The following RAB38 variants were observed in gnomAD, a reference collection of about 807,000 sequenced individuals.
RAB38 encodes ras-related protein Rab-38.
Under a neutral mutation model 18.4 loss-of-function variants are expected in RAB38, and 15 were observed. The observed-to-expected ratio is 0.82, with a 90% CI of 0.55 to 1.26. The LOEUF is 1.26. Among genes scored for constraint, RAB38 ranks in the 50% most tolerant of loss-of-function variants. The pLI, the probability that RAB38 is intolerant of heterozygous loss-of-function variation, is 0.00. For synonymous variants in RAB38, 101 were observed against 104.4 expected (o/e 0.97, Z 0.20); for missense variants, 294 against 267.4 (o/e 1.10, Z -0.69).
At chr11:88,154,578 C>A (rs555972011) in intron 1 of RAB38, among the ~76,000 whole-genome samples, 1 of 152,300 alleles carries the variant, frequency 6.6e-6, no homozygotes, top group East Asian at 1.9e-4. Flanking sequence ...TTGGAGCACC[C>A]ACTTGCCTGG....
chr11:88,154,578 C>G (rs555972011), intron 1 of RAB38, among the ~76,000 whole-genome samples: 55 of 152,300 alleles, frequency 3.6e-4, no homozygotes, highest in Non-Finnish European at 6.2e-4. Flanking sequence ...TTGGAGCACC[C>G]ACTTGCCTGG....
chr11:88,040,167 A>T, the RAB38 span, among the ~76,000 whole-genome samples: 1 of 152,206 alleles, frequency 6.6e-6, no homozygotes, highest in Admixed American at 6.5e-5. Flanking sequence ...AGTGCAACAG[A>T]CTAGGTGGCT....
At chr11:87,922,449 A>G in the RAB38 span, among the ~76,000 whole-genome samples, 1 of 152,046 alleles carries the variant, frequency 6.6e-6, no homozygotes, top group Non-Finnish European at 1.5e-5. Flanking sequence ...ATTTTTAAAT[A>G]CAGAATTTTC....
At chr11:88,042,608 T>A in the RAB38 span, among the ~76,000 whole-genome samples, 2 of 152,182 alleles carry the variant, frequency 1.3e-5, no homozygotes, top group Non-Finnish European at 2.9e-5. Context: ...CAGGTAGATC[T>A]GTGTCAGCTG....
the RAB38 span, among the ~76,000 whole-genome samples, chr11:87,859,593 A>G: frequency 2.0e-3 from 301 of 152,188 alleles, no homozygotes; most frequent in African/African-American, 6.8e-3. Context: ...TTATATTCCT[A>G]TCAGCATTAG....
the RAB38 span, among the ~76,000 whole-genome samples, chr11:88,032,962 G>C: frequency 8.5e-5 from 13 of 152,284 alleles, no homozygotes; most frequent in African/African-American, 2.2e-4. Context: ...CAATAGCAAA[G>C]ACTTGGAACC....
At chr11:88,007,395 A>G in the RAB38 span, among the ~76,000 whole-genome samples, 2 of 151,024 alleles carry the variant, frequency 1.3e-5, no homozygotes, top group East Asian at 3.8e-4. Flanking sequence ...TTTGTATCCT[A>G]AATAGCTAAA....
At chr11:88,031,057 T>C in the RAB38 span, among the ~76,000 whole-genome samples, 1 of 150,950 alleles carries the variant, frequency 6.6e-6, no homozygotes, top group Non-Finnish European at 1.5e-5. Context: ...ATCCCTGGGA[T>C]GCAAGGCTGG....
At chr11:88,132,070 C>T (rs922705917) in intron 2 of RAB38, among the ~76,000 whole-genome samples, 2 of 152,214 alleles carry the variant, frequency 1.3e-5, no homozygotes, top group Non-Finnish European at 2.9e-5. Context: ...GATGAGAACA[C>T]AGCTATGACC....
At chr11:87,894,075 T>C in the RAB38 span, among the ~76,000 whole-genome samples, 3 of 151,874 alleles carry the variant, frequency 2.0e-5, no homozygotes, top group East Asian at 2.0e-4. Context: ...TTTATTTCTA[T>C]CTTATTTGAT....
chr11:87,931,579 C>T, the RAB38 span, among the ~76,000 whole-genome samples: 15 of 152,008 alleles, frequency 9.9e-5, no homozygotes, highest in African/African-American at 3.6e-4. Context: ...GTTGTGAATT[C>T]CCTGAACACC....
At chr11:88,079,738 A>C in the RAB38 span, among the ~76,000 whole-genome samples, 2 of 151,840 alleles carry the variant, frequency 1.3e-5, no homozygotes, top group South Asian at 2.1e-4. Flanking sequence ...AGCTAGTTCA[A>C]CATGTGCAAA....
chr11:87,842,853 T>A, the RAB38 span, among the ~76,000 whole-genome samples: 1 of 151,688 alleles, frequency 6.6e-6, no homozygotes, highest in Non-Finnish European at 1.5e-5. Flanking sequence ...CACAAATCCC[T>A]TTTTATAAAA....
intron 1 of RAB38, among the ~76,000 whole-genome samples, chr11:88,172,559 T>C (rs1943322261): frequency 6.6e-6 from 1 of 152,174 alleles, no homozygotes. Context: ...TTCTCAAAGC[T>C]AGGCCCACTA....
the RAB38 span, among the ~76,000 whole-genome samples, chr11:88,068,552 T>C: frequency 6.6e-6 from 1 of 152,200 alleles, no homozygotes; most frequent in African/African-American, 2.4e-5. Context: ...ATTCAACTAA[T>C]ATTTGATTAA....
the RAB38 span, among the ~76,000 whole-genome samples, chr11:87,910,917 T>C: frequency 6.6e-6 from 1 of 152,092 alleles, no homozygotes; most frequent in Non-Finnish European, 1.5e-5. Flanking sequence ...ATTACAGGTA[T>C]GAGCCACAGT....
At chr11:87,820,149 T>C in the RAB38 span, among the ~76,000 whole-genome samples, 1 of 152,236 alleles carries the variant, frequency 6.6e-6, no homozygotes, top group Non-Finnish European at 1.5e-5. Context: ...CTTAGTGCTC[T>C]GCAGCTGGCG....
chr11:87,810,491 C>G, the RAB38 span, among the ~76,000 whole-genome samples: 107,983 of 152,114 alleles, frequency 0.71, 39,282 homozygotes, highest in East Asian at 0.93. Context: ...ACCAATAATC[C>G]CTATTATTTT....
chr11:88,040,492 GC>G, the RAB38 span, among the ~76,000 whole-genome samples: 10 of 152,296 alleles, frequency 6.6e-5, no homozygotes, highest in Admixed American at 5.9e-4. Flanking sequence ...CAGGAAGGCA[GC>G]CCAGGAATTT....
Sources: gnomAD v4.1 joint callset for allele counts (sites outside exome capture counted in the v4.1 genomes callset) on GRCh38, gnomAD v4.1.1 for gene constraint, MANE v1.5 for transcripts, NCBI Gene and HGNC (gene_info 2026-07-23, HGNC 2026-07-21) for gene names.